MOB3C: variants seen among roughly 807,000 people sequenced by gnomAD.
MOB3C encodes MOB1, Mps One Binder kinase activator-like 2C.
MOB3C carries 17 observed loss-of-function variants against 19.8 expected under a neutral mutation model. That is an observed-to-expected ratio of 0.86 (90% CI 0.59 to 1.29). The LOEUF (loss-of-function observed/expected upper bound fraction) is 1.29, where lower values mean the gene tolerates loss of function less well. Among genes scored for constraint, MOB3C ranks in the 50% most tolerant of loss-of-function variants. The pLI is 0.00. For missense variants in MOB3C, 291 were observed against 301.9 expected (o/e 0.96, Z 0.27); for synonymous variants, 101 against 119.2 (o/e 0.85, Z 0.99).
At chr1:46,612,774 A>G (rs763522205) in intron 2 of MOB3C, 130 bp downstream of exon 2, 3 of 919,658 alleles carry the variant, frequency 3.3e-6, no homozygotes, top group African/African-American at 3.3e-5. Flanking sequence ...ACCTGTTTCA[A>G]CCTCGCTTTC....
intron 3 of MOB3C, 80 bp from the exon 4 acceptor site, chr1:46,609,764 T>G (rs1675430139): frequency 6.4e-7 from 1 of 1,570,148 alleles, no homozygotes; most frequent in Non-Finnish European, 8.7e-7. Context: ...AGGGCCTAGC[T>G]GCTCTTCTGT....
At position 46,609,508 on chromosome 1, in the gene MOB3C, A is replaced by C; in HGVS notation, c.*147T>G. On this transcript the variant is annotated 3_prime_UTR_variant, in exon 4 of 4. Transcript: ENST00000319928. ...AGCGGTCAGGGCGACAGGTAGGCAG[A>C]CTCCTGAGAACCAGAAGTCCAGAGG... 1 of 998,376 alleles carries C rather than the reference A, an allele frequency of 1.0e-6. No individual in the cohort carries two copies. Among genetic ancestry groups the C allele is most frequent in the Non-Finnish European group, 1.6e-6 (1 of 643,636 alleles). The allele number at this position is 998,376 out of a possible 1,614,324, so 61.8% of individuals were successfully genotyped here.
chr1:46,614,971 A>G, intron 1 of MOB3C: 1 of 1,602,520 alleles, frequency 6.2e-7, no homozygotes. Context: ...AAAAACTCAC[A>G]GATGTGAAAG....
chr1:46,616,076 C>T (rs1449122973), intron 1 of MOB3C: 1 of 152,544 alleles, frequency 6.6e-6, no homozygotes, highest in Non-Finnish European at 1.5e-5. Flanking sequence ...CACTGCCGTT[C>T]CCCGTCCTAG....
At chr1:46,616,473 T>C (rs1486444479) in intron 1 of MOB3C, 2 of 151,392 alleles carry the variant, frequency 1.3e-5, no homozygotes, top group African/African-American at 4.9e-5. Context: ...ACATTTCCGC[T>C]CCCCGAAAAC....
intron 2 of MOB3C, among the ~76,000 whole-genome samples, chr1:46,610,800 T>C (rs1275248440): frequency 6.6e-6 from 1 of 152,238 alleles, no homozygotes; most frequent in African/African-American, 2.4e-5. Context: ...TGGGGGTCAC[T>C]GACCAACCCT....
At chr1:46,614,917 GGA>G (rs1389318264) in intron 1 of MOB3C, 1 of 1,356,178 alleles carries the variant, frequency 7.4e-7, no homozygotes, top group African/African-American at 1.4e-5. Context: ...AGAGCAGCTT[GGA>G]GAGTAGAAAC....
At chr1:46,612,812 A>C (rs182298111) in intron 2 of MOB3C, 92 bp downstream of exon 2, 12 of 1,276,526 alleles carry the variant, frequency 9.4e-6, no homozygotes, top group African/African-American at 1.5e-5. Context: ...GATGAAAATC[A>C]ACCCCCAACC....
chr1:46,615,422 A>G (rs974463908), intron 1 of MOB3C: 14 of 269,134 alleles, frequency 5.2e-5, no homozygotes, highest in Admixed American at 3.4e-4. Context: ...CTCCTTGGGT[A>G]GAGGCTGCTT....
rs1675460974 is a variant in MOB3C, at chr1:46,611,115, A to G, written c.419-911T>C. ...TTATGAATTCTGCAAGAGTTAGTTC[A>G]GACAGCCCTCATTCCTTCAAATATT... On this transcript the variant is annotated intron_variant, in intron 2 of 3. Transcript: ENST00000319928. This position sits in a 1 kb window ranked among gnomAD's most constrained non-coding sequence, Gnocchi z 4.1. 6.6e-6 allele frequency among the ~76,000 whole-genome samples: 1 copy of G among 152,228 alleles called. No homozygotes were observed. The highest frequency in any genetic ancestry group is 2.1e-4 in the South Asian group (1 of 4,830).
rs769097454 is a variant in MOB3C, at chr1:46,610,151, G to T, written c.472C>A (p.Leu158Ile). 2 of 1,614,238 alleles carry T rather than the reference G, an allele frequency of 1.2e-6. No individual in the cohort carries two copies. Among genetic ancestry groups the T allele is most frequent in the Non-Finnish European group, 1.7e-6 (2 of 1,180,048 alleles). Residue 158 changes from leucine to isoleucine, a missense_variant, in exon 3 of 4, where the codon CTC becomes ATC. Leu to Ile is a conservative substitution (Grantham distance 5). Coordinates refer to ENST00000319928, the MANE Select transcript of MOB3C (RefSeq NM_201403.3). ...QQVCTKILTR[L>I]FRVFVHVYIH... ...TAGACATGGACAAAGACTCGGAAGA[G>T]GCGGGTCAGGATCTTGGTGCAGACC...
Position 46,609,208 on chromosome 1 carries a change from C to T in MOB3C, c.*447G>A. On this transcript the variant is annotated 3_prime_UTR_variant, in exon 4 of 4. Coordinates refer to ENST00000319928, the MANE Select transcript of MOB3C (RefSeq NM_201403.3). Reference sequence around the variant, plus strand: ...CCAAGGAGGGGTAAGGCAGCTAGCTCTCACAGACACACCCCACAGTGAAAA... The same window carrying T: ...CCAAGGAGGGGTAAGGCAGCTAGCTTTCACAGACACACCCCACAGTGAAAA... 4.1e-6 allele frequency: 1 copy of T among 242,848 alleles called. No individual in the cohort carries two copies. The highest frequency in any genetic ancestry group is 4.8e-5 in the South Asian group (1 of 20,774). 15.0% of individuals were successfully genotyped at this position (242,848 alleles called of 1,614,324 possible).
At chr1:46,612,147 A>G (rs1675480572) in intron 2 of MOB3C, among the ~76,000 whole-genome samples, 1 of 152,136 alleles carries the variant, frequency 6.6e-6, no homozygotes, top group African/African-American at 2.4e-5. Context: ...CAGGCTGCCC[A>G]GCTGAGATAA....
Position 46,609,179 on chromosome 1 carries a change from T to C in MOB3C, c.*476A>G, listed in dbSNP as rs1002724929. 1 of 222,424 alleles carries C rather than the reference T, an allele frequency of 4.5e-6. No individual in the cohort carries two copies. Among genetic ancestry groups the C allele is most frequent in the African/African-American group, 2.3e-5 (1 of 42,776 alleles). 13.8% of individuals were successfully genotyped at this position (222,424 alleles called of 1,614,324 possible). ...TCCAACATTTATGGAAGGCCTACTA[T>C]GTGCCAAGGAGGGGTAAGGCAGCTA... On this transcript the variant is annotated 3_prime_UTR_variant, in exon 4 of 4. Transcript: ENST00000319928.
chr1:46,609,567 G>A lies in MOB3C; in HGVS notation c.*88C>T. 6.5e-7 allele frequency: 1 copy of A among 1,540,756 alleles called. No homozygotes were observed. The highest frequency in any genetic ancestry group is 9.0e-7 in the Non-Finnish European group (1 of 1,115,562). On this transcript the variant is annotated 3_prime_UTR_variant, in exon 4 of 4. Coordinates refer to ENST00000319928, the MANE Select transcript of MOB3C (RefSeq NM_201403.3). ...GTGTGGAGTGATTCCAGTGCCTTCA[G>A]ATTCCTTCAGGCTCCTGGGGGTCCC... is the stretch of plus-strand genomic sequence containing the variant.
At chr1:46,614,884 G>T in intron 1 of MOB3C, 1 of 1,034,212 alleles carries the variant, frequency 9.7e-7, no homozygotes, top group East Asian at 2.5e-5. Flanking sequence ...GGCAGGCCAG[G>T]ATGGGGGCAG....
chr1:46,612,658 G>GAAAAAAAAAAAA (rs112172528), intron 2 of MOB3C, among the ~76,000 whole-genome samples: 1 of 97,102 alleles, frequency 1.0e-5, no homozygotes, highest in Non-Finnish European at 2.2e-5. Flanking sequence ...TCTCAGAAAA[G>GAAAAAAAAAAAA]AAAAAAAAAA....
intron 1 of MOB3C, 30 bp from the exon 2 acceptor site, chr1:46,613,401 G>C (rs1675508301): frequency 1.3e-6 from 2 of 1,555,704 alleles, no homozygotes; most frequent in African/African-American, 2.7e-5. Context: ...AGGGGAGCTG[G>C]CGGTCAAGGC....
At chr1:46,610,297 T>G in intron 2 of MOB3C, 93 bp from the exon 3 acceptor site, 2 of 1,151,180 alleles carry the variant, frequency 1.7e-6, no homozygotes, top group Non-Finnish European at 2.6e-6. Flanking sequence ...CCAGGATGGC[T>G]TTTTCCCCAG....
Sources: allele counts gnomAD v4.1 joint callset (sites outside exome capture counted in the v4.1 genomes callset), GRCh38; gene constraint gnomAD v4.1.1; non-coding constraint Gnocchi (gnomAD v3.1); transcripts MANE v1.5; gene names NCBI Gene and HGNC (gene_info 2026-07-23, HGNC 2026-07-21).